Variants in CRADD observed in about 807,000 individuals in gnomAD.
CRADD encodes death domain-containing protein CRADD.
A neutral mutation model predicts 15.5 loss-of-function variants in CRADD; 9 were observed. The ratio of observed to expected loss-of-function variants is 0.58; its 90% confidence interval spans 0.35 to 1.01. The LOEUF (loss-of-function observed/expected upper bound fraction) is 1.01, where lower values mean the gene tolerates loss of function less well. CRADD is among the 50% of genes least tolerant of loss of function. The pLI, the probability that CRADD is intolerant of heterozygous loss-of-function variation, is 0.02. For synonymous variants in CRADD, 118 were observed against 107.6 expected (o/e 1.10, Z -0.60); for missense variants, 227 against 250.3 (o/e 0.91, Z 0.63).
chr12:93,773,459 T>C (rs1957106484), intron 2 of CRADD, among the ~76,000 whole-genome samples: 1 of 152,200 alleles, frequency 6.6e-6, no homozygotes, highest in Non-Finnish European at 1.5e-5. Flanking sequence ...TCTGCCATGA[T>C]TGTGAAGCCT....
chr12:93,784,105 C>T (rs887662851), intron 2 of CRADD, among the ~76,000 whole-genome samples: 10 of 152,028 alleles, frequency 6.6e-5, no homozygotes, highest in Non-Finnish European at 1.3e-4. Flanking sequence ...GCTGGTCCCA[C>T]GTAACAATTT....
intron 2 of CRADD, chr12:93,816,149 T>G (rs1427893319): frequency 5.9e-5 from 9 of 152,244 alleles, no homozygotes; most frequent in Admixed American, 5.9e-4. Flanking sequence ...ATATTCAAAG[T>G]ATTATTATTT....
intron 2 of CRADD, chr12:93,738,302 C>G (rs770550491): frequency 2.9e-6 from 2 of 693,858 alleles, no homozygotes; most frequent in South Asian, 3.0e-5. Flanking sequence ...TGAAGGAGGC[C>G]CATGAGACCT....
At chr12:93,845,563 A>T (rs890004657) in intron 2 of CRADD, among the ~76,000 whole-genome samples, 14 of 71,398 alleles carry the variant, frequency 2.0e-4, no homozygotes, top group Non-Finnish European at 3.2e-4. Context: ...GTCTCTATTA[A>T]ATATATATAT....
chr12:93,817,561 C>G (rs894532497), intron 2 of CRADD, among the ~76,000 whole-genome samples: 8 of 152,170 alleles, frequency 5.3e-5, no homozygotes, highest in African/African-American at 1.4e-4. Flanking sequence ...TGGTGGAAAC[C>G]TGCCTGCCCC....
At chr12:93,768,256 G>A (rs1957046263) in intron 2 of CRADD, among the ~76,000 whole-genome samples, 1 of 152,150 alleles carries the variant, frequency 6.6e-6, no homozygotes, top group South Asian at 2.1e-4. Context: ...AGAGTAGGTG[G>A]AACAACTGAA....
intron 2 of CRADD, among the ~76,000 whole-genome samples, chr12:93,823,719 CAGA>C: frequency 6.6e-6 from 1 of 152,148 alleles, no homozygotes; most frequent in Middle Eastern, 3.4e-3. Flanking sequence ...GTGGTTCACG[CAGA>C]AGTGGAGATA....
chr12:93,834,074 G>A (rs1329961412), intron 2 of CRADD, among the ~76,000 whole-genome samples: 9 of 152,156 alleles, frequency 5.9e-5, no homozygotes, highest in Admixed American at 2.6e-4. Flanking sequence ...TGTGGTGGGC[G>A]CATAAGATCA....
chr12:93,720,809 A>T (rs1057386685), intron 2 of CRADD, among the ~76,000 whole-genome samples: 3 of 152,200 alleles, frequency 2.0e-5, no homozygotes, highest in Non-Finnish European at 4.4e-5. Context: ...TTATATTTAA[A>T]GTGGACTTTT....
intron 2 of CRADD, among the ~76,000 whole-genome samples, chr12:93,883,379 T>C (rs1958515683): frequency 6.6e-6 from 1 of 152,262 alleles, no homozygotes; most frequent in Non-Finnish European, 1.5e-5. Flanking sequence ...GAAGTATTAC[T>C]ATAAGCTAAA....
At chr12:93,804,210 C>T (rs897803562) in intron 2 of CRADD, among the ~76,000 whole-genome samples, 3 of 151,980 alleles carry the variant, frequency 2.0e-5, no homozygotes, top group Non-Finnish European at 4.4e-5. Context: ...GTTCTTAATG[C>T]CTGTCATCCT....
At chr12:93,701,407 CTT>C (rs1032784779) in intron 2 of CRADD, among the ~76,000 whole-genome samples, 1 of 152,102 alleles carries the variant, frequency 6.6e-6, no homozygotes, top group Non-Finnish European at 1.5e-5. Flanking sequence ...CTTCTTCTCT[CTT>C]TATGCTTTGC....
At chr12:93,767,061 T>C (rs1444911402) in intron 2 of CRADD, among the ~76,000 whole-genome samples, 2 of 152,212 alleles carry the variant, frequency 1.3e-5, no homozygotes, top group African/African-American at 4.8e-5. Flanking sequence ...TCGGGCCTTG[T>C]CCTTTCTGTC....
chr12:93,732,212 C>G (rs1045491386), intron 2 of CRADD, among the ~76,000 whole-genome samples: 1 of 151,626 alleles, frequency 6.6e-6, no homozygotes, highest in Non-Finnish European at 1.5e-5. Context: ...TGCACAGTGA[C>G]TTTGAACATT....
chr12:93,724,667 G>A (rs1207815426), intron 2 of CRADD, among the ~76,000 whole-genome samples: 1 of 152,076 alleles, frequency 6.6e-6, no homozygotes, highest in Non-Finnish European at 1.5e-5. Flanking sequence ...GGTGCTGTTT[G>A]AAAATTCTGT....
At chr12:93,684,460 G>T (rs772289007) in intron 2 of CRADD, among the ~76,000 whole-genome samples, 1 of 152,090 alleles carries the variant, frequency 6.6e-6, no homozygotes, top group Non-Finnish European at 1.5e-5. Context: ...GGTAATCCTC[G>T]CTTGCCTGCC....
intron 2 of CRADD, among the ~76,000 whole-genome samples, chr12:93,819,298 G>A (rs1018647612): frequency 6.6e-6 from 1 of 152,364 alleles, no homozygotes; most frequent in Non-Finnish European, 1.5e-5. Flanking sequence ...AGTTGCTCAA[G>A]AGCAGGAAAA....
intron 2 of CRADD, among the ~76,000 whole-genome samples, chr12:93,880,335 T>G (rs1414127542): frequency 6.6e-6 from 1 of 152,052 alleles, no homozygotes; most frequent in Admixed American, 6.6e-5. Flanking sequence ...TCTTTATGAG[T>G]CTATAAACAA....
At chr12:93,834,070 G>A (rs1957946008) in intron 2 of CRADD, among the ~76,000 whole-genome samples, 1 of 152,132 alleles carries the variant, frequency 6.6e-6, no homozygotes, top group Non-Finnish European at 1.5e-5. Context: ...TTAATGTGGT[G>A]GGCGCATAAG....
Sources: gnomAD v4.1 joint callset for allele counts (sites outside exome capture counted in the v4.1 genomes callset) on GRCh38, gnomAD v4.1.1 for gene constraint, MANE v1.5 for transcripts, NCBI Gene and HGNC (gene_info 2026-07-23, HGNC 2026-07-21) for gene names.